The following ST8SIA5 variants were observed in gnomAD, a reference collection of about 807,000 sequenced individuals.
ST8SIA5 encodes the protein ST8 alpha-N-acetyl-neuraminide alpha-2,8-sialyltransferase 5.
In ST8SIA5, 24 loss-of-function variants were observed where a neutral mutation model predicts 40.2. The ratio of observed to expected loss-of-function variants is 0.60; its 90% CI spans 0.43 to 0.84. The LOEUF (loss-of-function observed/expected upper bound fraction) is 0.84. Ranked by LOEUF, ST8SIA5 falls within the 40% of genes least tolerant of loss-of-function variation. The pLI is 0.00. For synonymous variants in ST8SIA5, 198 were observed against 201.8 expected (o/e 0.98, Z 0.16); for missense variants, 465 against 498.5 (o/e 0.93, Z 0.64).
At chr18:46,712,924 G>A (rs1251239392) in intron 1 of ST8SIA5, among the ~76,000 whole-genome samples, 1 of 152,244 alleles carries the variant, frequency 6.6e-6, no homozygotes, top group Non-Finnish European at 1.5e-5. Flanking sequence ...TAGAGGCATG[G>A]AGCCCTGTGC....
chr18:46,695,424 T>C (rs2039548709), intron 2 of ST8SIA5, among the ~76,000 whole-genome samples: 1 of 152,180 alleles, frequency 6.6e-6, no homozygotes, highest in Non-Finnish European at 1.5e-5. Flanking sequence ...TCAGGCTGGT[T>C]ATTTAACCTC....
chr18:46,698,778 T>A (rs1329190839), intron 2 of ST8SIA5, among the ~76,000 whole-genome samples: 2 of 152,204 alleles, frequency 1.3e-5, no homozygotes, highest in African/African-American at 4.8e-5. Context: ...AACAGCCACA[T>A]GACCCAGCAA....
At chr18:46,717,624 T>C (rs1024346207) in intron 1 of ST8SIA5, among the ~76,000 whole-genome samples, 7 of 152,126 alleles carry the variant, frequency 4.6e-5, no homozygotes, top group Non-Finnish European at 1.0e-4. Context: ...TGCCCTACTA[T>C]CAGCTCTTTT....
chr18:46,712,816 C>T (rs1039675594), intron 1 of ST8SIA5, among the ~76,000 whole-genome samples: 1 of 152,094 alleles, frequency 6.6e-6, no homozygotes, highest in Non-Finnish European at 1.5e-5. Context: ...TGCCACATAG[C>T]CATAACTCTT....
At chr18:46,739,634 CA>C (rs2040069246) in intron 1 of ST8SIA5, among the ~76,000 whole-genome samples, 1 of 152,166 alleles carries the variant, frequency 6.6e-6, no homozygotes. Flanking sequence ...GTTTGGGGAA[CA>C]GAGACATTCA....
chr18:46,743,798 T>C (rs1248337327), intron 1 of ST8SIA5, among the ~76,000 whole-genome samples: 1 of 152,128 alleles, frequency 6.6e-6, no homozygotes, highest in East Asian at 1.9e-4. Context: ...GGAAAAAAGG[T>C]TAAGGGCAGC....
Position 46,679,420 on chromosome 18 carries a change from AC to A in ST8SIA5, c.*621del, listed in dbSNP as rs2039363596. The A allele has an allele frequency of 6.6e-6, 1 of 152,528 alleles. No individual in the cohort carries two copies. 9.4% of individuals were successfully genotyped at this position (152,528 alleles called of 1,614,324 possible). ...GCCTTGGGTTAGATCTCTCGGTGTC[AC>A]AGAAGAACCTGTCGGGTGGTGTGGC... is the stretch of plus-strand genomic sequence containing the variant. On this transcript the variant is annotated 3_prime_UTR_variant, in exon 7 of 7. Coordinates refer to ENST00000315087, the MANE Select transcript of ST8SIA5 (RefSeq NM_013305.6).
rs1225943319 is a variant in ST8SIA5 at position 46,668,859 on chromosome 18, TA to T, written c.*11182del. 6.6e-6 allele frequency: 1 copy of T among 152,070 alleles called. No individual in the cohort carries two copies. Among genetic ancestry groups the T allele is most frequent in the African/African-American group, 2.4e-5 (1 of 41,380 alleles). 9.4% of individuals were successfully genotyped at this position (152,070 alleles called of 1,614,324 possible). On this transcript the variant is annotated 3_prime_UTR_variant, in exon 7 of 7. Transcript: ENST00000315087. ...GGCCAGACGTCCCACTGGAGAAGAGTACAGGACGATGGGCTCGGGAGTCCGG... is the reference window on the plus strand; with the variant it reads ...GGCCAGACGTCCCACTGGAGAAGAGTCAGGACGATGGGCTCGGGAGTCCGG...
intron 1 of ST8SIA5, among the ~76,000 whole-genome samples, chr18:46,727,963 G>A (rs760714071): frequency 6.6e-6 from 1 of 152,138 alleles, no homozygotes; most frequent in Non-Finnish European, 1.5e-5. Context: ...TTGGGAGGCC[G>A]AGGCAGGAGG....
chr18:46,715,246 C>G (rs1485758192), intron 1 of ST8SIA5, among the ~76,000 whole-genome samples: 1 of 152,212 alleles, frequency 6.6e-6, no homozygotes, highest in Admixed American at 6.5e-5. Context: ...GCTGCACCTG[C>G]CACACAGGAG....
intron 5 of ST8SIA5, among the ~76,000 whole-genome samples, chr18:46,683,436 C>T (rs954563738): frequency 6.6e-6 from 1 of 151,998 alleles, no homozygotes; most frequent in Non-Finnish European, 1.5e-5. Flanking sequence ...TGCAAAGGTC[C>T]TGTGGTAGAT....
intron 5 of ST8SIA5, 44 bp from the exon 6 acceptor site, chr18:46,682,108 A>C: frequency 7.1e-7 from 1 of 1,405,178 alleles, no homozygotes; most frequent in Non-Finnish European, 9.7e-7. Context: ...GTCATTCAAT[A>C]GGTCAGGCTG....
At chr18:46,711,203 T>C (rs1456056422) in intron 1 of ST8SIA5, among the ~76,000 whole-genome samples, 1 of 152,202 alleles carries the variant, frequency 6.6e-6, no homozygotes, top group African/African-American at 2.4e-5. Context: ...GAGTAAGCTG[T>C]ACTTCAGCCT....
chr18:46,726,552 T>C (rs554564244), intron 1 of ST8SIA5, among the ~76,000 whole-genome samples: 6 of 150,140 alleles, frequency 4.0e-5, no homozygotes, highest in East Asian at 2.0e-4. Context: ...CAGTCATGAC[T>C]GCATGAATGT....
intron 1 of ST8SIA5, among the ~76,000 whole-genome samples, chr18:46,712,780 G>T (rs552320807): frequency 6.6e-6 from 1 of 152,086 alleles, no homozygotes; most frequent in African/African-American, 2.4e-5. Flanking sequence ...CCACAGGGGC[G>T]ACAATAAATG....
rs1455842465 is a variant in ST8SIA5 at position 46,671,870 on chromosome 18, C to A, written c.*8172G>T. On this transcript the variant is annotated 3_prime_UTR_variant, in exon 7 of 7. Coordinates refer to ENST00000315087, the MANE Select transcript of ST8SIA5 (RefSeq NM_013305.6). Reference sequence around the variant, plus strand: ...CCAACCAGGAAAAAGAACAGGGCAGCAGAACAGGGCCAATCTCATTAAAGG... The same window carrying A: ...CCAACCAGGAAAAAGAACAGGGCAGAAGAACAGGGCCAATCTCATTAAAGG... 1.3e-5 allele frequency: 2 copies of A among 152,302 alleles called. No homozygotes were observed. The highest frequency in any genetic ancestry group is 2.4e-5 in the African/African-American group (1 of 41,448). The allele number at this position is 152,302 out of a possible 1,614,324, so 9.4% of individuals were successfully genotyped here. A position where few individuals can be genotyped will look rare whatever the true frequency, so the allele number is the denominator to read the frequency against.
At chr18:46,735,398 G>A (rs916839294) in intron 1 of ST8SIA5, among the ~76,000 whole-genome samples, 1 of 152,114 alleles carries the variant, frequency 6.6e-6, no homozygotes, top group Non-Finnish European at 1.5e-5. Flanking sequence ...AGTAACCAAC[G>A]TCTATAGCAG....
chr18:46,756,772 T>C lies in ST8SIA5; in HGVS notation c.-264A>G. ...GGGGCCTTCCCCACCCCCGGGTACC[T>C]TTACCTCCAGGCGCCGGTGCCGGGT... On this transcript the variant is annotated 5_prime_UTR_variant, in exon 1 of 7. Transcript: ENST00000315087. The C allele has an allele frequency of 2.5e-6, 1 of 404,872 alleles. No individual in the cohort carries two copies. Among genetic ancestry groups the C allele is most frequent in the Non-Finnish European group, 4.3e-6 (1 of 229,886 alleles). 25.1% of individuals were successfully genotyped at this position (404,872 alleles called of 1,614,324 possible). A position where few individuals can be genotyped will look rare whatever the true frequency, so the allele number is the denominator to read the frequency against.
intron 1 of ST8SIA5, among the ~76,000 whole-genome samples, chr18:46,710,057 G>A (rs1307304159): frequency 4.6e-5 from 7 of 152,168 alleles, no homozygotes; most frequent in African/African-American, 1.7e-4. Context: ...CATCAAAGGG[G>A]AGGGCACCCT....
Sources: gnomAD v4.1 joint callset for allele counts (sites outside exome capture counted in the v4.1 genomes callset) on GRCh38, gnomAD v4.1.1 for gene constraint, MANE v1.5 for transcripts, NCBI Gene and HGNC (gene_info 2026-07-23, HGNC 2026-07-21) for gene names.